MACROD2: variants seen among roughly 807,000 people sequenced by gnomAD.
MACROD2 encodes ADP-ribose glycohydrolase MACROD2.
Under a neutral mutation model 70.4 loss-of-function variants are expected in MACROD2, and 36 were observed. That is an observed-to-expected ratio of 0.51 (90% confidence interval 0.39 to 0.68). The LOEUF (loss-of-function observed/expected upper bound fraction) is 0.68. MACROD2 is among the 30% of genes least tolerant of loss of function. MACROD2 has a pLI of 0.00. For missense variants in MACROD2, 496 were observed against 538.4 expected, an observed-to-expected ratio of 0.92 and a Z score of 0.78; for synonymous variants, 172 against 178.8, an observed-to-expected ratio of 0.96 and a Z score of 0.30.
intron 3 of MACROD2, among the ~76,000 whole-genome samples, chr20:14,172,276 G>C (rs1422000716): frequency 7.1e-6 from 1 of 141,764 alleles, no homozygotes. Context: ...TAGTTGGTGA[G>C]TTCTTATCCA....
chr20:15,797,701 G>A (rs6131715), intron 8 of MACROD2, among the ~76,000 whole-genome samples: 43,261 of 152,086 alleles, frequency 0.28, 6,635 homozygotes, highest in East Asian at 0.44. Context: ...GGGTTGGGAT[G>A]TTGCAGCCTT....
intron 3 of MACROD2, among the ~76,000 whole-genome samples, chr20:14,288,308 G>A (rs1432112880): frequency 2.0e-5 from 3 of 152,146 alleles, no homozygotes; most frequent in African/African-American, 7.2e-5. Context: ...GAGTAAGTGT[G>A]GCAGAGGAGT....
intron 8 of MACROD2, among the ~76,000 whole-genome samples, chr20:15,795,456 G>A (rs1047625929): frequency 9.9e-5 from 15 of 151,994 alleles, no homozygotes; most frequent in South Asian, 2.1e-4. Flanking sequence ...TCAGAGCCAA[G>A]GGGAGTGGGA....
At chr20:14,247,457 T>C (rs1163162979) in intron 3 of MACROD2, among the ~76,000 whole-genome samples, 9 of 152,238 alleles carry the variant, frequency 5.9e-5, no homozygotes, top group Non-Finnish European at 1.2e-4. Flanking sequence ...AAGGAATGAC[T>C]CAAAGTTGGT....
At chr20:14,830,977 C>G (rs1600706349) in intron 5 of MACROD2, among the ~76,000 whole-genome samples, 1 of 152,210 alleles carries the variant, frequency 6.6e-6, no homozygotes, top group South Asian at 2.1e-4. Context: ...ATCGTTTTCT[C>G]TTTATGCACG....
intron 3 of MACROD2, among the ~76,000 whole-genome samples, chr20:14,372,806 A>G (rs2083338664): frequency 6.6e-6 from 1 of 152,138 alleles, no homozygotes; most frequent in Non-Finnish European, 1.5e-5. Flanking sequence ...GTTTTCATCT[A>G]GTCCATATCC....
chr20:14,867,192 G>C (rs1370606036), intron 5 of MACROD2, among the ~76,000 whole-genome samples: 1 of 152,126 alleles, frequency 6.6e-6, no homozygotes, highest in Non-Finnish European at 1.5e-5. Flanking sequence ...GCATAATTTT[G>C]ATAGCTGCTT....
chr20:14,333,129 G>C (rs1174347084), intron 3 of MACROD2, among the ~76,000 whole-genome samples: 3 of 151,898 alleles, frequency 2.0e-5, no homozygotes, highest in Non-Finnish European at 4.4e-5. Context: ...AAGTCTGAAG[G>C]GTTTGCTGAG....
At chr20:14,787,913 G>T (rs948108641) in intron 5 of MACROD2, among the ~76,000 whole-genome samples, 5 of 152,056 alleles carry the variant, frequency 3.3e-5, no homozygotes, top group African/African-American at 1.2e-4. Flanking sequence ...TTGGGAATAA[G>T]ACAGCACATT....
At chr20:15,503,852 T>C (rs1331303238) in intron 8 of MACROD2, among the ~76,000 whole-genome samples, 1 of 152,162 alleles carries the variant, frequency 6.6e-6, no homozygotes, top group Non-Finnish European at 1.5e-5. Flanking sequence ...AAAATTTTCC[T>C]TTAAAAAACA....
intron 5 of MACROD2, among the ~76,000 whole-genome samples, chr20:15,117,753 T>C (rs1383132542): frequency 6.6e-6 from 1 of 152,180 alleles, no homozygotes; most frequent in Non-Finnish European, 1.5e-5. Context: ...CTTGATGGAA[T>C]ACCCTGGAAA....
chr20:15,796,370 C>T (rs1171687700), intron 8 of MACROD2, among the ~76,000 whole-genome samples: 1 of 152,208 alleles, frequency 6.6e-6, no homozygotes. Context: ...TTTGAACTTT[C>T]CTACCACACA....
chr20:15,092,606 C>T (rs2075800742), intron 5 of MACROD2, among the ~76,000 whole-genome samples: 1 of 151,576 alleles, frequency 6.6e-6, no homozygotes, highest in Non-Finnish European at 1.5e-5. Context: ...TGGAAAACTT[C>T]AGTTTAAAAA....
chr20:15,729,801 G>C (rs6079949), intron 8 of MACROD2, among the ~76,000 whole-genome samples: 138,812 of 144,456 alleles, frequency 0.96, 66,894 homozygotes, highest in Middle Eastern at 0.98. Context: ...TGAGATGGGT[G>C]TCTTGAACAC....
chr20:15,747,118 G>GA (rs2051195427), intron 8 of MACROD2, among the ~76,000 whole-genome samples: 1 of 152,062 alleles, frequency 6.6e-6, no homozygotes, highest in South Asian at 2.1e-4. Context: ...GAGTCAGAGT[G>GA]AAAAAAGAGT....
At chr20:15,367,780 T>A (rs984927055) in intron 6 of MACROD2, among the ~76,000 whole-genome samples, 8 of 152,302 alleles carry the variant, frequency 5.3e-5, no homozygotes, top group Admixed American at 2.6e-4. Context: ...ATTATGTCAT[T>A]TATTTGTTAC....
chr20:14,979,453 A>G (rs766253683), intron 5 of MACROD2, among the ~76,000 whole-genome samples: 33 of 152,206 alleles, frequency 2.2e-4, no homozygotes, highest in Non-Finnish European at 4.0e-4. Context: ...TTACAGTTTT[A>G]TTATTTGTTG....
chr20:14,075,752 T>TAA (rs1369149518), intron 2 of MACROD2, among the ~76,000 whole-genome samples: 1 of 152,202 alleles, frequency 6.6e-6, no homozygotes. Flanking sequence ...ACTTGAACTT[T>TAA]AAGCACACTG....
intron 8 of MACROD2, among the ~76,000 whole-genome samples, chr20:15,594,770 CAA>C (rs2048724977): frequency 6.6e-6 from 1 of 152,180 alleles, no homozygotes; most frequent in African/African-American, 2.4e-5. Flanking sequence ...ATCTAAGTGA[CAA>C]AGAAGTTTTC....
Sources: gnomAD v4.1 joint callset for allele counts (sites outside exome capture counted in the v4.1 genomes callset) on GRCh38, gnomAD v4.1.1 for gene constraint, MANE v1.5 for transcripts, NCBI Gene and HGNC (gene_info 2026-07-23, HGNC 2026-07-21) for gene names.